TRPV4: variants seen among roughly 807,000 people sequenced by gnomAD.
The protein encoded by TRPV4 is transient receptor potential cation channel subfamily V member 4, also known as OSM9-like transient receptor potential channel 4.
Under a neutral mutation model 84.1 loss-of-function variants are expected in TRPV4, and 58 were observed. That is an observed-to-expected ratio of 0.69 (90% CI 0.56 to 0.86). The LOEUF (loss-of-function observed/expected upper bound fraction) is 0.86. Among genes scored for constraint, TRPV4 ranks in the 40% least tolerant of loss-of-function variants. TRPV4 has a pLI of 0.00. For missense variants in TRPV4, 879 were observed against 1,181.1 expected, an observed-to-expected ratio of 0.74 and a Z score of 3.75; for synonymous variants, 489 against 500.9, an observed-to-expected ratio of 0.98 and a Z score of 0.32.
chr12:109,825,034 C>T (rs1490073319), intron 1 of TRPV4, among the ~76,000 whole-genome samples: 3 of 151,976 alleles, frequency 2.0e-5, no homozygotes, highest in Middle Eastern at 3.4e-3. Context: ...GTGTATAGCA[C>T]ATTCATGCTT....
chr12:109,814,596 C>T lies in TRPV4; in HGVS notation c.201G>A (p.Leu67=). ...PAGPGDGRPN[L]RMKFQGAFRK... ...GGAAGGCGCCCTGGAACTTCATGCG[C>T]AGATTTGGTCGCCCATCGCCTGGGC... Residue 67 remains leucine (L), a synonymous_variant, in exon 2 of 16, where the codon CTG becomes CTA. Transcript: ENST00000261740. The surrounding 1 kb of genome is among the most constrained non-coding windows in gnomAD (Gnocchi z 5.4). 1.2e-6 allele frequency: 2 copies of T among 1,614,094 alleles called. No homozygotes were observed. The highest frequency in any genetic ancestry group is 1.1e-5 in the South Asian group (1 of 91,082).
intron 1 of TRPV4, among the ~76,000 whole-genome samples, chr12:109,832,081 G>A (rs375459220): frequency 1.3e-5 from 2 of 152,192 alleles, no homozygotes; most frequent in Admixed American, 1.3e-4. Context: ...CGGTCCTCAC[G>A]ACAGCCCTGG....
Position 109,793,651 on chromosome 12 carries a change from G to A in TRPV4, c.1585-51C>T. ...AAGGGGTGGGGCCAGCAGGAGAGGA[G>A]AGGAGGAGAGAGGAGACAGAGAAAG... On this transcript the variant is annotated intron_variant, in intron 9 of 15. Transcript: ENST00000261740. This position sits in a 1 kb window ranked among gnomAD's most constrained non-coding sequence, Gnocchi z 4.0. 1 of 1,414,062 alleles carries A rather than the reference G, an allele frequency of 7.1e-7. No homozygotes were observed. Among genetic ancestry groups the A allele is most frequent in the Non-Finnish European group, 1.0e-6 (1 of 998,130 alleles). 87.6% of individuals were successfully genotyped at this position (1,414,062 alleles called of 1,614,324 possible).
At chr12:109,828,151 C>T (rs1040311856) in intron 1 of TRPV4, among the ~76,000 whole-genome samples, 6 of 152,198 alleles carry the variant, frequency 3.9e-5, no homozygotes, top group Non-Finnish European at 5.9e-5. Context: ...GTCAATGGCC[C>T]GCCTGTCTGT....
At position 109,786,648 on chromosome 12, in the gene TRPV4, G is replaced by A; in HGVS notation, c.2336+62C>T. 2 of 1,606,312 alleles carry A rather than the reference G, an allele frequency of 1.2e-6. No individual in the cohort carries two copies. Among genetic ancestry groups the A allele is most frequent in the East Asian group, 2.2e-5 (1 of 44,620 alleles). Reference sequence around the variant, plus strand: ...TGGGTAGACGACGCTGGAGCAGCAGGGGCCCCGAGCCAGTGGGGACAGTTC... The same window carrying A: ...TGGGTAGACGACGCTGGAGCAGCAGAGGCCCCGAGCCAGTGGGGACAGTTC... On this transcript the variant is annotated intron_variant, in intron 14 of 15. Transcript: ENST00000261740. The surrounding 1 kb of genome is among the most constrained non-coding windows in gnomAD (Gnocchi z 4.5).
At chr12:109,821,559 T>G (rs1274036909) in intron 1 of TRPV4, among the ~76,000 whole-genome samples, 1 of 151,962 alleles carries the variant, frequency 6.6e-6, no homozygotes, top group Non-Finnish European at 1.5e-5. Flanking sequence ...CAAGAGAGTC[T>G]CGCTCTGTCC....
intron 1 of TRPV4, among the ~76,000 whole-genome samples, chr12:109,822,499 C>T (rs746991086): frequency 1.3e-5 from 2 of 152,220 alleles, no homozygotes; most frequent in Non-Finnish European, 2.9e-5. Context: ...CCCTCCCCAC[C>T]TTCCAGGTAA....
rs1890138976 is a variant in TRPV4, at chr12:109,792,936, C to T, written c.1659-119G>A. On this transcript the variant is annotated intron_variant, in intron 10 of 15. Transcript: ENST00000261740. Reference sequence around the variant, plus strand: ...TCAGGACTTCCCAATGCCTTCTAGACCCCCAGAAAAGAAACAAAGTGGATT... The same window carrying T: ...TCAGGACTTCCCAATGCCTTCTAGATCCCCAGAAAAGAAACAAAGTGGATT... The T allele has an allele frequency of 3.0e-6, 3 of 994,738 alleles. No homozygotes were observed. In the South Asian group the frequency reaches 4.5e-5, roughly 15 times the overall value. The allele number at this position is 994,738 out of a possible 1,614,324, so 61.6% of individuals were successfully genotyped here.
chr12:109,794,839 G>A (rs73409804), intron 7 of TRPV4, among the ~76,000 whole-genome samples: 15,503 of 152,154 alleles, frequency 0.1, 959 homozygotes, highest in South Asian at 0.18. Flanking sequence ...CCAATGTGGT[G>A]AAACCCTGTC....
intron 15 of TRPV4, 80 bp downstream of exon 15, chr12:109,784,236 G>A (rs935435563): frequency 1.1e-5 from 17 of 1,602,180 alleles, no homozygotes; most frequent in African/African-American, 4.0e-5. Context: ...ACTGAGTCCC[G>A]GAAAGAAGCA....
At chr12:109,794,233 C>T (rs1026563536) in intron 8 of TRPV4, 96 bp downstream of exon 8, 34 of 1,518,998 alleles carry the variant, frequency 2.2e-5, no homozygotes, top group Admixed American at 5.2e-5. Flanking sequence ...CTCCGGGTCC[C>T]CCTACAGGGG....
intron 5 of TRPV4, among the ~76,000 whole-genome samples, chr12:109,799,400 C>T (rs1468886001): frequency 2.6e-5 from 4 of 152,202 alleles, no homozygotes; most frequent in South Asian, 2.1e-4. Context: ...CCGCCGACCT[C>T]GGCCTCCCAA....
At position 109,814,315 on chromosome 12, in the gene TRPV4, C is replaced by T. The variant is rs1041090168; in HGVS notation, c.386+96G>A. On this transcript the variant is annotated intron_variant, in intron 2 of 15. Coordinates refer to ENST00000261740, the MANE Select transcript of TRPV4 (RefSeq NM_021625.5). This position sits in a 1 kb window ranked among gnomAD's most constrained non-coding sequence, Gnocchi z 5.4. ...TGGACAGATGGATGGATGGATGAAT[C>T]GACGGATGGGTGGATAATAGATAGA... 9.3e-6 allele frequency: 13 copies of T among 1,399,260 alleles called. No homozygotes were observed. The highest frequency in any genetic ancestry group is 5.9e-5 in the Admixed American group (3 of 51,218). 86.7% of individuals were successfully genotyped at this position (1,399,260 alleles called of 1,614,324 possible). A position where few individuals can be genotyped will look rare whatever the true frequency, so the allele number is the denominator to read the frequency against.
intron 1 of TRPV4, among the ~76,000 whole-genome samples, chr12:109,816,643 T>C (rs1030529912): frequency 6.6e-6 from 1 of 152,114 alleles, no homozygotes; most frequent in Non-Finnish European, 1.5e-5. Flanking sequence ...CCAGGCGTGG[T>C]GGCACGTGAC....
intron 1 of TRPV4, among the ~76,000 whole-genome samples, chr12:109,832,162 C>A (rs1892426340): frequency 6.6e-6 from 1 of 152,156 alleles, no homozygotes; most frequent in Non-Finnish European, 1.5e-5. Flanking sequence ...AGGGACCAGG[C>A]CAAGGTCACA....
intron 12 of TRPV4, 27 bp downstream of exon 12, chr12:109,792,336 A>G: frequency 6.2e-7 from 1 of 1,606,816 alleles, no homozygotes; most frequent in Non-Finnish European, 8.5e-7. Flanking sequence ...CACCCCTGCC[A>G]GGACCACCTG....
At chr12:109,813,177 C>G (rs1891628110) in intron 2 of TRPV4, among the ~76,000 whole-genome samples, 1 of 152,070 alleles carries the variant, frequency 6.6e-6, no homozygotes. Context: ...TTTGGGAGGC[C>G]AAGGCAGGTG....
intron 2 of TRPV4, among the ~76,000 whole-genome samples, chr12:109,811,477 G>A (rs978753126): frequency 6.6e-6 from 1 of 152,264 alleles, no homozygotes; most frequent in East Asian, 1.9e-4. Context: ...GGCCAACATG[G>A]TAAAACCCTG....
chr12:109,793,910 C>T lies in TRPV4; in HGVS notation c.1584+20G>A, dbSNP rs746629480. 5.1e-6 allele frequency: 8 copies of T among 1,563,604 alleles called. No homozygotes were observed. The highest frequency in any genetic ancestry group is 7.0e-6 in the Non-Finnish European group (8 of 1,147,930). On this transcript the variant is annotated intron_variant, in intron 9 of 15. Coordinates refer to ENST00000261740, the MANE Select transcript of TRPV4 (RefSeq NM_021625.5). The surrounding 1 kb of genome is among the most constrained non-coding windows in gnomAD (Gnocchi z 4.0). The stretch of plus-strand genomic sequence containing the variant: ...AGAGGAGGGCAGGCAGGGTGGGGGG[C>T]ACGGGGGCCAGGCACTTACGTTGGT...
Sources: allele counts gnomAD v4.1 joint callset (sites outside exome capture counted in the v4.1 genomes callset), GRCh38; gene constraint gnomAD v4.1.1; non-coding constraint Gnocchi (gnomAD v3.1); transcripts MANE v1.5; gene names NCBI Gene and HGNC (gene_info 2026-07-23, HGNC 2026-07-21).